FAM83E: variants seen among roughly 807,000 people sequenced by gnomAD.
The protein encoded by FAM83E is protein FAM83E.
FAM83E carries 29 observed loss-of-function variants against 34.3 expected under a neutral mutation model. The observed-to-expected ratio is 0.85, with a 90% CI of 0.63 to 1.15. The LOEUF is 1.15. FAM83E is among the 50% of genes most tolerant of loss of function. FAM83E has a pLI of 0.00. For missense variants in FAM83E, 697 were observed against 685.0 expected (o/e 1.02, Z -0.20); for synonymous variants, 312 against 311.6 (o/e 1.00, Z -0.01).
chr19:48,607,565 G>A (rs774171591), intron 5 of FAM83E: 2 of 638,586 alleles, frequency 3.1e-6, no homozygotes, highest in African/African-American at 1.8e-5. Flanking sequence ...CCGTGGGTTT[G>A]ATTGTATTAC....
rs770321381 is a variant in FAM83E, at chr19:48,613,269, A to T, written c.104T>A (p.Leu35Gln). The T allele has an allele frequency of 3.1e-6, 5 of 1,609,614 alleles. No individual in the cohort carries two copies. Among genetic ancestry groups the T allele is most frequent in the Non-Finnish European group, 4.2e-6 (5 of 1,179,712 alleles). Residue 35 changes from leucine (L) to glutamine (Q), a missense_variant, in exon 3 of 7, where the codon CTG becomes CAG. Leu to Gln is a moderately radical substitution (Grantham distance 113, BLOSUM62 -2). Coordinates refer to ENST00000263266, the MANE Select transcript of FAM83E (RefSeq NM_017708.4). ...CGCGCCCTTGCTCAACAGAGCCTCC[A>T]GTGCCAGCCGCTGGCCCTCGGAATA... ...FLYSEGQRLA[L>Q]EALLSKGAEA...
intron 5 of FAM83E, chr19:48,607,492 C>T (rs1210497599): frequency 8.4e-6 from 10 of 1,191,108 alleles, no homozygotes; most frequent in Non-Finnish European, 1.2e-5. Context: ...TAAGGCTGTC[C>T]ACCAGGAGCC....
intron 6 of FAM83E, among the ~76,000 whole-genome samples, chr19:48,602,554 T>G (rs1211834377): frequency 2.0e-5 from 3 of 150,044 alleles, no homozygotes; most frequent in African/African-American, 7.4e-5. Context: ...GTGAGGGTGC[T>G]CAGGACCAGG....
At chr19:48,609,270 T>TC (rs1273682890) in intron 5 of FAM83E, among the ~76,000 whole-genome samples, 1 of 144,656 alleles carries the variant, frequency 6.9e-6, no homozygotes. Context: ...TCTTTCTTTT[T>TC]TTTTTTTTTT....
chr19:48,614,836 C>G lies in FAM83E; in HGVS notation c.-1384G>C. 6.1e-6 allele frequency: 6 copies of G among 976,156 alleles called. No individual in the cohort carries two copies. Among genetic ancestry groups the G allele is most frequent in the Non-Finnish European group, 7.3e-6 (6 of 821,426 alleles). 60.5% of individuals were successfully genotyped at this position (976,156 alleles called of 1,614,324 possible). On this transcript the variant is annotated 5_prime_UTR_variant, in exon 2 of 7. Transcript: ENST00000263266. ...GCTTCTGGCCTCACTCATCAGGCCTCGACCTGGAATCCAGGGAGCCCGGCC... is the reference window on the plus strand; with the variant it reads ...GCTTCTGGCCTCACTCATCAGGCCTGGACCTGGAATCCAGGGAGCCCGGCC...
rs1973838653 is a variant in FAM83E, at chr19:48,602,640, G to A, written c.1176+854C>T. On this transcript the variant is annotated intron_variant, in intron 6 of 6. Transcript: ENST00000263266. ...GAGCCTTCCTTGCCTGGGACGGAGGGAGATGATTCCTGATTCCCAAGGCAT... is the reference window on the plus strand; with the variant it reads ...GAGCCTTCCTTGCCTGGGACGGAGGAAGATGATTCCTGATTCCCAAGGCAT... Among the ~76,000 whole-genome samples the A allele has an allele frequency of 3.7e-5, 5 of 134,708 alleles. No individual in the cohort carries two copies. In the South Asian group the frequency reaches 1.2e-3, roughly 33 times the overall value. The allele number at this position is 134,708 out of a possible 152,430, so 88.4% of individuals were successfully genotyped here. A position where few individuals can be genotyped will look rare whatever the true frequency, so the allele number is the denominator to read the frequency against.
Position 48,607,538 on chromosome 19 carries a change from C to T in FAM83E, c.758+2338G>A, listed in dbSNP as rs1025376030. ...GGAAGCATCCCCAGGCCTGACTGAG[C>T]GGCAGGGGAGCACGGCCCGTGGGTT... is the stretch of plus-strand genomic sequence containing the variant. On this transcript the variant is annotated intron_variant, in intron 5 of 6. Coordinates refer to ENST00000263266, the MANE Select transcript of FAM83E (RefSeq NM_017708.4). 31 of 777,526 alleles carry T rather than the reference C, an allele frequency of 4.0e-5. No individual in the cohort carries two copies. In the East Asian group the frequency reaches 4.1e-4, roughly 10 times the overall value. 48.2% of individuals were successfully genotyped at this position (777,526 alleles called of 1,614,324 possible). A position where few individuals can be genotyped will look rare whatever the true frequency, so the allele number is the denominator to read the frequency against.
intron 6 of FAM83E, 62 bp downstream of exon 6, chr19:48,603,432 C>T (rs1973864873): frequency 6.9e-7 from 1 of 1,439,746 alleles, no homozygotes; most frequent in African/African-American, 1.5e-5. Flanking sequence ...GCTTGCACCA[C>T]CCTGGGCAAA....
chr19:48,612,470 T>A (rs1243381498), intron 3 of FAM83E, among the ~76,000 whole-genome samples: 1 of 151,494 alleles, frequency 6.6e-6, no homozygotes, highest in Non-Finnish European at 1.5e-5. Context: ...AGTGGCTTGA[T>A]CTTGGCTCAC....
intron 3 of FAM83E, among the ~76,000 whole-genome samples, chr19:48,612,417 TTTA>T (rs1275892318): frequency 1.5e-3 from 223 of 151,118 alleles, no homozygotes; most frequent in African/African-American, 4.9e-3. Flanking sequence ...TTTTTTTTTT[TTTA>T]TTGAGATGGA....
intron 6 of FAM83E, 94 bp downstream of exon 6, chr19:48,603,400 G>T: frequency 8.1e-7 from 1 of 1,232,362 alleles, no homozygotes; most frequent in Non-Finnish European, 1.1e-6. Flanking sequence ...GCTCTGGCTG[G>T]GAGCAGGGCC....
intron 6 of FAM83E, among the ~76,000 whole-genome samples, chr19:48,601,653 T>C (rs1281874254): frequency 6.6e-6 from 1 of 151,656 alleles, no homozygotes; most frequent in Non-Finnish European, 1.5e-5. Context: ...TAATCCTAGC[T>C]ACTCGGGAGG....
intron 5 of FAM83E, among the ~76,000 whole-genome samples, chr19:48,607,873 C>A (rs760810667): frequency 6.7e-6 from 1 of 149,626 alleles, no homozygotes; most frequent in Non-Finnish European, 1.5e-5. Flanking sequence ...GTATGAGCCA[C>A]GGCACCTGGC....
At chr19:48,604,528 C>T (rs1973891024) in intron 5 of FAM83E, among the ~76,000 whole-genome samples, 1 of 148,282 alleles carries the variant, frequency 6.7e-6, no homozygotes, top group Admixed American at 6.7e-5. Context: ...GATGGGGTTT[C>T]ACCACATTGG....
At chr19:48,608,938 C>T (rs896598225) in intron 5 of FAM83E, among the ~76,000 whole-genome samples, 4 of 152,006 alleles carry the variant, frequency 2.6e-5, no homozygotes, top group Admixed American at 2.6e-4. Flanking sequence ...CTACTGACCT[C>T]TGCTGGGTGG....
At chr19:48,609,772 G>C (rs2617803) in intron 5 of FAM83E, 104 bp downstream of exon 5, 207,277 of 1,324,190 alleles carry the variant, frequency 0.16, 17,592 homozygotes, top group East Asian at 0.35. Context: ...ACACAGATGA[G>C]AAAAGAGAGG....
chr19:48,603,018 A>AT (rs1356616607), intron 6 of FAM83E, among the ~76,000 whole-genome samples: 1 of 150,496 alleles, frequency 6.6e-6, no homozygotes, highest in African/African-American at 2.4e-5. Flanking sequence ...CACCCAGCGA[A>AT]TTTTTTTGTA....
At chr19:48,612,220 A>C (rs1974053877) in intron 3 of FAM83E, among the ~76,000 whole-genome samples, 1 of 152,126 alleles carries the variant, frequency 6.6e-6, no homozygotes, top group Non-Finnish European at 1.5e-5. Context: ...TGAAGTACAC[A>C]GCAGGCTTTC....
Position 48,603,747 on chromosome 19 carries a change from C to T in FAM83E, c.923G>A (p.Gly308Asp). The T allele has an allele frequency of 6.5e-7, 1 of 1,546,672 alleles. No individual in the cohort carries two copies. The highest frequency in any genetic ancestry group is 8.7e-7 in the Non-Finnish European group (1 of 1,153,252). ...KPSVIGGLQR[G>D]RSPHRVSRRR... ...GCGGGACACGCGGTGCGGGCTGCGG[C>T]CCCGCTGCAGGCCACCTATGACCGA... The change falls in exon 6 of 7, where the codon GGC becomes GAC. Residue 308 changes from glycine (G) to aspartate (D), a missense_variant. Gly to Asp is a moderately conservative substitution (Grantham distance 94). Transcript: ENST00000263266.
Sources: gnomAD v4.1 joint callset for allele counts (sites outside exome capture counted in the v4.1 genomes callset) on GRCh38, gnomAD v4.1.1 for gene constraint, MANE v1.5 for transcripts, NCBI Gene and HGNC (gene_info 2026-07-23, HGNC 2026-07-21) for gene names.